ALDH1A1: variants seen among roughly 807,000 people sequenced by gnomAD.
The protein encoded by ALDH1A1 is aldehyde dehydrogenase 1A1.
In ALDH1A1, 19 loss-of-function variants were observed where a neutral mutation model predicts 62.1. The observed-to-expected ratio is 0.31, with a 90% confidence interval of 0.21 to 0.45. The LOEUF is 0.45. Ranked by LOEUF, ALDH1A1 falls within the 20% of genes least tolerant of loss-of-function variation. The probability of loss-of-function intolerance (pLI) is 1.00; values close to 1 mark genes in which losing one functional copy is unlikely to be tolerated. For synonymous variants in ALDH1A1, 231 were observed against 215.9 expected (o/e 1.07, Z -0.61); for missense variants, 521 against 607.1 (o/e 0.86, Z 1.49).
chr9:72,916,210 T>C (rs1830061477), intron 9 of ALDH1A1, among the ~76,000 whole-genome samples: 1 of 152,106 alleles, frequency 6.6e-6, no homozygotes, highest in African/African-American at 2.4e-5. Flanking sequence ...TGCCCCAGTT[T>C]AGAATCACTG....
intron 2 of ALDH1A1, among the ~76,000 whole-genome samples, chr9:72,939,295 C>T (rs1830385095): frequency 6.6e-6 from 1 of 152,034 alleles, no homozygotes; most frequent in African/African-American, 2.4e-5. Flanking sequence ...GAACAATTTT[C>T]ACTAAATAAA....
At chr9:72,929,199 AT>A (rs1283453353) in intron 3 of ALDH1A1, among the ~76,000 whole-genome samples, 178 bp from the exon 4 acceptor site, 2 of 152,194 alleles carry the variant, frequency 1.3e-5, no homozygotes, top group Non-Finnish European at 2.9e-5. Context: ...AAATAGCAAG[AT>A]CTGGGCACAA....
intron 1 of ALDH1A1, among the ~76,000 whole-genome samples, chr9:72,947,197 T>A (rs535144628): frequency 1.2e-4 from 19 of 152,098 alleles, no homozygotes; most frequent in Admixed American, 9.8e-4. Flanking sequence ...TCTCCCACTA[T>A]TAAAATCAAT....
chr9:72,945,762 T>C (rs974599664), intron 1 of ALDH1A1, among the ~76,000 whole-genome samples: 1 of 151,846 alleles, frequency 6.6e-6, no homozygotes, highest in East Asian at 1.9e-4. Context: ...ACCCTAACCC[T>C]GAGGCAGGAA....
chr9:72,950,695 C>G (rs1229946080), intron 1 of ALDH1A1, among the ~76,000 whole-genome samples: 2 of 151,418 alleles, frequency 1.3e-5, no homozygotes, highest in African/African-American at 4.9e-5. Context: ...GTCCTAACAA[C>G]CAATATACTT....
intron 2 of ALDH1A1, among the ~76,000 whole-genome samples, chr9:72,938,443 A>AATTTTTT (rs769821021): frequency 1.3e-5 from 2 of 151,944 alleles, no homozygotes; most frequent in Non-Finnish European, 2.9e-5. Flanking sequence ...TATGCTATCT[A>AATTTTTT]ATTTTTTATT....
At chr9:72,934,518 T>C (rs1312567190) in intron 2 of ALDH1A1, among the ~76,000 whole-genome samples, 1 of 152,164 alleles carries the variant, frequency 6.6e-6, no homozygotes, top group African/African-American at 2.4e-5. Context: ...CTATCCAAAC[T>C]TAGTGTTTAC....
intron 8 of ALDH1A1, among the ~76,000 whole-genome samples, chr9:72,917,656 A>G (rs1296098415): frequency 1.3e-5 from 2 of 152,178 alleles, no homozygotes; most frequent in Non-Finnish European, 2.9e-5. Context: ...TATTCCATCA[A>G]AGACATTTTC....
intron 12 of ALDH1A1, among the ~76,000 whole-genome samples, chr9:72,902,091 T>C (rs1829812246): frequency 1.3e-5 from 2 of 152,212 alleles, no homozygotes; most frequent in Admixed American, 6.5e-5. Context: ...TACCATTTTC[T>C]TGTATAACTC....
At chr9:72,920,835 T>C (rs1009807902) in intron 7 of ALDH1A1, among the ~76,000 whole-genome samples, 28 of 152,370 alleles carry the variant, frequency 1.8e-4, no homozygotes, top group South Asian at 1.0e-3. Flanking sequence ...ATTAAGACTA[T>C]GGCTAAACAG....
chr9:72,925,414 A>T, intron 6 of ALDH1A1, 70 bp downstream of exon 6: 2 of 1,554,772 alleles, frequency 1.3e-6, no homozygotes, highest in Non-Finnish European at 1.8e-6. Flanking sequence ...TAGTAGCAAC[A>T]AATGAGGTCT....
chr9:72,904,162 C>G (rs995668079), intron 12 of ALDH1A1, among the ~76,000 whole-genome samples: 1 of 152,032 alleles, frequency 6.6e-6, no homozygotes, highest in African/African-American at 2.4e-5. Context: ...AACTGGGGTG[C>G]ATGGCTAGCA....
rs374327576 is a variant in ALDH1A1 at position 72,952,983 on chromosome 9, C to A, written c.18G>T (p.Thr6=). 5.6e-6 allele frequency: 9 copies of A among 1,613,080 alleles called. No individual in the cohort carries two copies. In the South Asian group the frequency reaches 9.9e-5, roughly 18 times the overall value. The change falls in exon 1 of 13, where the codon ACG becomes ACT. Residue 6 remains threonine, a synonymous_variant. Coordinates refer to ENST00000297785, the MANE Select transcript of ALDH1A1 (RefSeq NM_000689.5). MSSSG[T]PDLPVLLTDL... Reference sequence around the variant, plus strand: ...CGGTGAGTAGGACAGGTAAGTCTGGCGTGCCTGAGGATGACATTTCTGATT... The same window carrying A: ...CGGTGAGTAGGACAGGTAAGTCTGGAGTGCCTGAGGATGACATTTCTGATT...
chr9:72,906,334 G>C (rs1291408971), intron 11 of ALDH1A1, among the ~76,000 whole-genome samples: 2 of 152,132 alleles, frequency 1.3e-5, no homozygotes, highest in Admixed American at 1.3e-4. Context: ...ATGCTGTAGG[G>C]GGAAAGATAT....
At chr9:72,921,329 C>T (rs1830140194) in intron 7 of ALDH1A1, among the ~76,000 whole-genome samples, 1 of 151,614 alleles carries the variant, frequency 6.6e-6, no homozygotes, top group Non-Finnish European at 1.5e-5. Flanking sequence ...AGGATACAGT[C>T]TATTGTTTGC....
intron 7 of ALDH1A1, among the ~76,000 whole-genome samples, chr9:72,921,503 C>CTTTTTTTTTTTTTTTTTTATTTTTTTTT (rs11327072): frequency 9.1e-6 from 1 of 109,506 alleles, no homozygotes; most frequent in Non-Finnish European, 1.8e-5. Context: ...ACATTTAATT[C>CTTTTTTTTTTTTTTTTTTATTTTTTTTT]TTTTTTTTTT....
chr9:72,913,742 C>T, intron 9 of ALDH1A1, among the ~76,000 whole-genome samples: 1 of 152,210 alleles, frequency 6.6e-6, no homozygotes. Context: ...TATTTCAGTG[C>T]CTTGCTACCG....
chr9:72,927,688 T>A (rs1433567869), intron 4 of ALDH1A1, among the ~76,000 whole-genome samples: 1 of 152,134 alleles, frequency 6.6e-6, no homozygotes, highest in East Asian at 1.9e-4. Context: ...TATAATATAA[T>A]TTTTAGAAAT....
At chr9:72,929,048 T>C in intron 3 of ALDH1A1, 27 bp from the exon 4 acceptor site, 1 of 1,486,620 alleles carries the variant, frequency 6.7e-7, no homozygotes, top group South Asian at 1.2e-5. Flanking sequence ...ACACCAAATC[T>C]AAAATTCCAT....
Sources: gnomAD v4.1 joint callset for allele counts (sites outside exome capture counted in the v4.1 genomes callset) on GRCh38, gnomAD v4.1.1 for gene constraint, MANE v1.5 for transcripts, NCBI Gene and HGNC (gene_info 2026-07-23, HGNC 2026-07-21) for gene names.